Variants in ARMC3 observed in about 807,000 individuals in gnomAD.
The protein encoded by ARMC3 is armadillo repeat containing 3, also known as armadillo repeat-containing protein 3.
ARMC3 carries 74 observed loss-of-function variants against 90.3 expected under a neutral mutation model. The ratio of observed to expected loss-of-function variants is 0.82; its 90% CI spans 0.68 to 0.99. The LOEUF (loss-of-function observed/expected upper bound fraction) is 0.99, where lower values mean the gene tolerates loss of function less well. Among genes scored for constraint, ARMC3 ranks in the 50% least tolerant of loss-of-function variants. The pLI is 0.00. For missense variants in ARMC3, 958 were observed against 1,042.8 expected (o/e 0.92, Z 1.12); for synonymous variants, 334 against 361.8 (o/e 0.92, Z 0.87).
At chr10:22,973,750 T>TTTC (rs1239381853) in intron 8 of ARMC3, among the ~76,000 whole-genome samples, 1 of 137,324 alleles carries the variant, frequency 7.3e-6, no homozygotes, top group Non-Finnish European at 1.5e-5. Context: ...TTTCTTTGTC[T>TTTC]TTCTTTTTTT....
rs142896214 is a variant in ARMC3, at chr10:23,019,685, G to A, written c.2045+10754G>A. The stretch of plus-strand genomic sequence containing the variant: ...AGTGATCCTCCCACCTCAGCCTCCC[G>A]AGTAGCTGGGACTACAGGAATGCAC... On this transcript the variant is annotated intron_variant, in intron 16 of 18. Coordinates refer to ENST00000298032, the MANE Select transcript of ARMC3 (RefSeq NM_173081.5). Among the ~76,000 whole-genome samples the A allele has an allele frequency of 2.4e-3, 358 of 152,050 alleles. 3 individuals carry two copies. Among genetic ancestry groups the A allele is most frequent in the East Asian group, 0.017 (87 of 5,166 alleles).
chr10:22,950,539 A>G (rs1362517185), intron 3 of ARMC3, among the ~76,000 whole-genome samples: 1 of 152,180 alleles, frequency 6.6e-6, no homozygotes, highest in African/African-American at 2.4e-5. Flanking sequence ...TTCACAGAAT[A>G]CATAGAAAAG....
At chr10:23,030,881 C>G (rs1838902421) in intron 17 of ARMC3, 85 bp downstream of exon 17, 1 of 1,409,854 alleles carries the variant, frequency 7.1e-7, no homozygotes. Flanking sequence ...TAGACAAATA[C>G]ACCATAAATA....
At chr10:23,000,550 T>C (rs1837231851) in intron 11 of ARMC3, among the ~76,000 whole-genome samples, 2 of 152,214 alleles carry the variant, frequency 1.3e-5, no homozygotes, top group Non-Finnish European at 2.9e-5. Flanking sequence ...ACATAATATA[T>C]GCTGAATGAA....
At chr10:22,944,705 G>A (rs562623037) in intron 2 of ARMC3, among the ~76,000 whole-genome samples, 1 of 152,300 alleles carries the variant, frequency 6.6e-6, no homozygotes, top group South Asian at 2.1e-4. Context: ...TACCTAAAGA[G>A]GATGGTTCTC....
intron 12 of ARMC3, among the ~76,000 whole-genome samples, chr10:23,002,907 T>C (rs776079449): frequency 2.6e-5 from 4 of 152,228 alleles, no homozygotes; most frequent in Non-Finnish European, 4.4e-5. Flanking sequence ...AGGTTTCATT[T>C]ATTAATTTCT....
chr10:22,987,333 T>C (rs1836495946), intron 10 of ARMC3, among the ~76,000 whole-genome samples: 1 of 152,212 alleles, frequency 6.6e-6, no homozygotes, highest in African/African-American at 2.4e-5. Context: ...ACTATTACTT[T>C]ATAACATCAC....
chr10:22,984,872 C>A (rs1295503386), intron 10 of ARMC3, among the ~76,000 whole-genome samples: 1 of 150,962 alleles, frequency 6.6e-6, no homozygotes, highest in Admixed American at 6.6e-5. Context: ...CTTTCCTTCT[C>A]AACCTTCTGT....
rs150796729 is a variant in ARMC3, at chr10:22,977,714, G to C, written c.917-3626G>C. 4.8e-3 allele frequency among the ~76,000 whole-genome samples: 738 copies of C among 152,330 alleles called. 3 individuals are homozygous for C. Among genetic ancestry groups the C allele is most frequent in the African/African-American group, 0.017 (700 of 41,574 alleles). On this transcript the variant is annotated intron_variant, in intron 8 of 18. Transcript: ENST00000298032. Reference sequence around the variant, plus strand: ...GGTCTTCAAATTCAGTGAATGCAGAGGTGGTTTAATTTTCTTATAGCCTAG... The same window carrying C: ...GGTCTTCAAATTCAGTGAATGCAGACGTGGTTTAATTTTCTTATAGCCTAG...
chr10:22,962,036 C>G lies in ARMC3; in HGVS notation c.690C>G (p.Asp230Glu). 6.2e-7 allele frequency: 1 copy of G among 1,603,060 alleles called. No individual in the cohort carries two copies. Among genetic ancestry groups the G allele is most frequent in the South Asian group, 1.1e-5 (1 of 88,792 alleles). The change falls in exon 7 of 19, where the codon GAC becomes GAG. Residue 230 changes from aspartate (D) to glutamate (E), a missense_variant. Physicochemically the swap from Asp to Glu is conservative, Grantham distance 45. Transcript: ENST00000298032. The stretch of plus-strand genomic sequence containing the variant: ...AGGAGTCTCGAACAATGCTAAGAGA[C>G]AATCAAGGATTGGACCATCTTATTA... Reference protein sequence around the residue: ...NDKESRTMLRDNQGLDHLIKI... With the variant: ...NDKESRTMLRENQGLDHLIKI...
chr10:22,928,924 T>G (rs1433002926), intron 1 of ARMC3, among the ~76,000 whole-genome samples: 1 of 152,090 alleles, frequency 6.6e-6, no homozygotes, highest in African/African-American at 2.4e-5. Flanking sequence ...GATGTTAAAA[T>G]CACTTTAGAA....
intron 10 of ARMC3, among the ~76,000 whole-genome samples, chr10:22,985,046 A>ATTTT (rs535085393): frequency 3.6e-5 from 3 of 83,570 alleles, no homozygotes; most frequent in Non-Finnish European, 6.9e-5. Flanking sequence ...TTAATTTTTC[A>ATTTT]TTTTTTTTTT....
chr10:22,971,356 A>G (rs1367871762), intron 8 of ARMC3, among the ~76,000 whole-genome samples: 3 of 151,936 alleles, frequency 2.0e-5, no homozygotes, highest in Non-Finnish European at 4.4e-5. Context: ...GGGTATACAG[A>G]TATCTCTTTG....
intron 16 of ARMC3, among the ~76,000 whole-genome samples, chr10:23,026,045 A>G (rs1817785442): frequency 6.6e-6 from 1 of 152,192 alleles, no homozygotes; most frequent in Admixed American, 6.5e-5. Flanking sequence ...AAGATGAAAT[A>G]GACAACAGCC....
chr10:22,940,462 T>G (rs902863212), intron 2 of ARMC3, among the ~76,000 whole-genome samples: 2 of 152,218 alleles, frequency 1.3e-5, no homozygotes, highest in African/African-American at 2.4e-5. Context: ...ATGCCAATGG[T>G]AGAACTACTT....
At chr10:23,030,852 A>C in intron 17 of ARMC3, 56 bp downstream of exon 17, 1 of 1,566,716 alleles carries the variant, frequency 6.4e-7, no homozygotes. Flanking sequence ...TTAGTGTCAT[A>C]TACATTTTAG....
At chr10:23,009,022 G>T in intron 16 of ARMC3, 91 bp downstream of exon 16, 1 of 997,848 alleles carries the variant, frequency 1.0e-6, no homozygotes. Flanking sequence ...CTGACATCAG[G>T]GTGTTGAACC....
chr10:22,947,293 G>T (rs1834567770), intron 3 of ARMC3, among the ~76,000 whole-genome samples: 1 of 149,904 alleles, frequency 6.7e-6, no homozygotes, highest in African/African-American at 2.5e-5. Flanking sequence ...GCAGCAGAGA[G>T]AGACCCTGTC....
At chr10:22,982,133 T>C (rs377119297) in intron 10 of ARMC3, among the ~76,000 whole-genome samples, 154 of 152,306 alleles carry the variant, frequency 1.0e-3, no homozygotes, top group African/African-American at 3.4e-3. Context: ...TCTCAGCACT[T>C]TGGGAGGCTA....
Sources: gnomAD v4.1 joint callset for allele counts (sites outside exome capture counted in the v4.1 genomes callset) on GRCh38, gnomAD v4.1.1 for gene constraint, MANE v1.5 for transcripts, NCBI Gene and HGNC (gene_info 2026-07-23, HGNC 2026-07-21) for gene names.